Variants in DLG2 observed in about 807,000 individuals in gnomAD.
DLG2 encodes the protein disks large homolog 2.
A neutral mutation model predicts 132.5 loss-of-function variants in DLG2; 45 were observed. The ratio of observed to expected loss-of-function variants is 0.34; its 90% confidence interval spans 0.27 to 0.44. The LOEUF (loss-of-function observed/expected upper bound fraction) is 0.44. Ranked by LOEUF, DLG2 falls within the 20% of genes least tolerant of loss-of-function variation. DLG2 has a pLI of 1.00. For synonymous variants in DLG2, 424 were observed against 419.6 expected (o/e 1.01, Z -0.13); for missense variants, 1,045 against 1,196.9 (o/e 0.87, Z 1.87).
intron 21 of DLG2, among the ~76,000 whole-genome samples, chr11:83,495,282 C>T (rs990723127): frequency 7.9e-5 from 12 of 152,240 alleles, no homozygotes; most frequent in African/African-American, 2.4e-4. Flanking sequence ...CAAAGAATGA[C>T]ATGCTATTAT....
At chr11:83,941,998 A>G (rs1301441038) in intron 14 of DLG2, among the ~76,000 whole-genome samples, 1 of 152,224 alleles carries the variant, frequency 6.6e-6, no homozygotes. Flanking sequence ...AAACTGCTGA[A>G]CCTACAGTTC....
chr11:85,561,132 G>C (rs1031827582), intron 3 of DLG2, among the ~76,000 whole-genome samples: 13 of 150,718 alleles, frequency 8.6e-5, no homozygotes, highest in Non-Finnish European at 8.9e-5. Flanking sequence ...AAGGCAAGAG[G>C]ATCATTTAAG....
chr11:83,752,840 A>C (rs1413271242), intron 18 of DLG2, among the ~76,000 whole-genome samples: 3 of 152,352 alleles, frequency 2.0e-5, no homozygotes, highest in Non-Finnish European at 4.4e-5. Context: ...AAATTCATCC[A>C]CAGTTCCAGG....
At chr11:84,124,711 A>G (rs1446621826) in intron 9 of DLG2, among the ~76,000 whole-genome samples, 1 of 152,140 alleles carries the variant, frequency 6.6e-6, no homozygotes, top group African/African-American at 2.4e-5. Context: ...TCTCTCATGG[A>G]TATCTTATTT....
At chr11:83,875,798 C>T (rs1297923162) in intron 15 of DLG2, among the ~76,000 whole-genome samples, 1 of 152,142 alleles carries the variant, frequency 6.6e-6, no homozygotes, top group African/African-American at 2.4e-5. Flanking sequence ...AATCAAACTA[C>T]AGGCTGCAGA....
At chr11:83,487,114 T>C (rs1181550413) in intron 21 of DLG2, among the ~76,000 whole-genome samples, 1 of 152,106 alleles carries the variant, frequency 6.6e-6, no homozygotes, top group East Asian at 1.9e-4. Context: ...AGCCCTATTC[T>C]CAATTATACT....
intron 6 of DLG2, among the ~76,000 whole-genome samples, chr11:84,859,878 CT>C (rs2083382031): frequency 6.6e-6 from 1 of 152,074 alleles, no homozygotes; most frequent in Non-Finnish European, 1.5e-5. Flanking sequence ...AAAGTGCAAA[CT>C]GCCCTTCAAA....
Position 83,969,731 on chromosome 11 carries a change from T to A in DLG2, c.1057-4263A>T, listed in dbSNP as rs368518157. Among the ~76,000 whole-genome samples, 48 of 152,086 alleles carry A rather than the reference T, an allele frequency of 3.2e-4. No individual in the cohort carries two copies. The East Asian group carries it at 8.5e-3, about 27-fold the overall frequency. ...TGGGATTACAGGCATATGCCACCAC[T>A]GCCAGCTAATTTTGTATTTTTAGCA... On this transcript the variant is annotated intron_variant, in intron 12 of 27. Transcript: ENST00000376104.
intron 7 of DLG2, among the ~76,000 whole-genome samples, chr11:84,406,469 C>A (rs182367261): frequency 2.0e-5 from 3 of 152,256 alleles, no homozygotes; most frequent in South Asian, 4.1e-4. Context: ...CAGGTGTACA[C>A]CACCATACGA....
rs893338874 is a variant in DLG2 at position 84,996,262 on chromosome 11, A to G, written c.357+115399T>C. 5.3e-5 allele frequency among the ~76,000 whole-genome samples: 8 copies of G among 152,042 alleles called. No homozygotes were observed. The East Asian group carries it at 9.7e-4, about 18-fold the overall frequency. The stretch of plus-strand genomic sequence containing the variant: ...AGATTAAATCATATATTTCTTCCAG[A>G]AAGTTCTCAGCCACTATCTCCTCCA... On this transcript the variant is annotated intron_variant, in intron 6 of 27. Transcript: ENST00000376104.
chr11:84,637,593 G>C (rs1451381961), intron 6 of DLG2, among the ~76,000 whole-genome samples: 1 of 152,224 alleles, frequency 6.6e-6, no homozygotes, highest in African/African-American at 2.4e-5. Flanking sequence ...ATCTAAGGGA[G>C]ACAAGAGAGG....
At chr11:84,968,044 T>C (rs1386395716) in intron 6 of DLG2, among the ~76,000 whole-genome samples, 1 of 152,116 alleles carries the variant, frequency 6.6e-6, no homozygotes, top group Non-Finnish European at 1.5e-5. Context: ...TAAAAAGAAG[T>C]ATATGCAAAC....
chr11:85,255,798 T>C (rs1186625821), intron 4 of DLG2, among the ~76,000 whole-genome samples: 1 of 151,932 alleles, frequency 6.6e-6, no homozygotes, highest in Non-Finnish European at 1.5e-5. Flanking sequence ...AATAAAGAAT[T>C]ACAAAAAGAG....
chr11:85,011,424 G>A (rs1270813063), intron 6 of DLG2, among the ~76,000 whole-genome samples: 1 of 152,118 alleles, frequency 6.6e-6, no homozygotes, highest in African/African-American at 2.4e-5. Flanking sequence ...GAAATATACT[G>A]CAAATAAGAA....
rs117299979 is a variant in DLG2 at position 83,701,282 on chromosome 11, A to T, written c.1826-67957T>A. On this transcript the variant is annotated intron_variant, in intron 18 of 27. Transcript: ENST00000376104. ...TTTGCTGAACTTCAATTTCCCATCA[A>T]TAAAATTAGGATAAATATAATCCCT... Among the ~76,000 whole-genome samples, 9 of 152,292 alleles carry T rather than the reference A, an allele frequency of 5.9e-5. 1 individual carries two copies. The highest frequency in any genetic ancestry group is 2.2e-4 in the African/African-American group (9 of 41,566).
chr11:83,628,331 T>A (rs1445508486), intron 19 of DLG2, among the ~76,000 whole-genome samples: 1 of 152,280 alleles, frequency 6.6e-6, no homozygotes. Context: ...GAGAAACTGA[T>A]TCGTCCATGG....
chr11:83,719,200 A>G (rs1308137050), intron 18 of DLG2, among the ~76,000 whole-genome samples: 1 of 152,220 alleles, frequency 6.6e-6, no homozygotes, highest in Admixed American at 6.5e-5. Context: ...CACTTGGGAC[A>G]CATTGTAATG....
At chr11:85,172,223 AC>A (rs2078927258) in intron 4 of DLG2, among the ~76,000 whole-genome samples, 1 of 152,072 alleles carries the variant, frequency 6.6e-6, no homozygotes, top group Non-Finnish European at 1.5e-5. Flanking sequence ...CAGGTTGGTG[AC>A]CCCCTGAAAT....
intron 7 of DLG2, among the ~76,000 whole-genome samples, chr11:84,377,090 T>G (rs544262584): frequency 6.7e-4 from 102 of 152,224 alleles, no homozygotes; most frequent in African/African-American, 2.4e-3. Context: ...GATATACATA[T>G]TTTCTGATTT....
Sources: gnomAD v4.1 joint callset for allele counts (sites outside exome capture counted in the v4.1 genomes callset) on GRCh38, gnomAD v4.1.1 for gene constraint, MANE v1.5 for transcripts, NCBI Gene and HGNC (gene_info 2026-07-23, HGNC 2026-07-21) for gene names.